Variants in CNOT1 observed in about 807,000 individuals in gnomAD.
The protein encoded by CNOT1 is CCR4-NOT transcription complex subunit 1.
In CNOT1, 15 loss-of-function variants were observed where a neutral mutation model predicts 273.8. The observed-to-expected ratio is 0.05, with a 90% CI of 0.04 to 0.08. The LOEUF is 0.08. CNOT1 is among the 10% of genes least tolerant of loss of function. CNOT1 has a pLI of 1.00. For missense variants in CNOT1, 1,644 were observed against 2,912.2 expected, an observed-to-expected ratio of 0.56 and a Z score of 10.02; for synonymous variants, 1,022 against 1,005.5, an observed-to-expected ratio of 1.02 and a Z score of -0.31.
At chr16:58,546,862 CA>C in intron 27 of CNOT1, 113 bp from the exon 28 acceptor site, 2 of 1,322,614 alleles carry the variant, frequency 1.5e-6, no homozygotes, top group South Asian at 2.6e-5. Context: ...AAATAAAAAA[CA>C]AAAAACAAGG....
rs751988532 is a variant in CNOT1, at chr16:58,586,700, A to G, written c.482T>C (p.Ile161Thr). Reference protein sequence around the residue: ...QKLPDLLRSYIDADVSGNQEG... With the variant: ...QKLPDLLRSYTDADVSGNQEG... ...TTGATTTCCACTGACGTCTGCGTCAATGTAAGAACGCAGAAGATCTGGAAG... is the reference window on the plus strand; with the variant it reads ...TTGATTTCCACTGACGTCTGCGTCAGTGTAAGAACGCAGAAGATCTGGAAG... The change falls in exon 7 of 49, where the codon ATT becomes ACT. Residue 161 changes from isoleucine (I) to threonine (T), a missense_variant. Ile to Thr is a moderately conservative substitution (Grantham distance 89, BLOSUM62 -1). Around this residue, in one of 13 missense-constraint regions of CNOT1, gnomAD observed 706 missense variants for 1,021.2 expected, o/e 0.69. Transcript: ENST00000317147. 41 of 1,613,240 alleles carry G rather than the reference A, an allele frequency of 2.5e-5. No homozygotes were observed. Among genetic ancestry groups the G allele is most frequent in the Non-Finnish European group, 3.3e-5 (39 of 1,179,928 alleles).
At position 58,527,326 on chromosome 16, in the gene CNOT1, AGCCTGGC is replaced by A. The variant is rs1158138949; in HGVS notation, c.6453+1142_6453+1148del. Among the ~76,000 whole-genome samples, 3 of 151,812 alleles carry A rather than the reference AGCCTGGC, an allele frequency of 2.0e-5. No individual in the cohort carries two copies. In the East Asian group the frequency reaches 5.8e-4, roughly 30 times the overall value. On this transcript the variant is annotated intron_variant, in intron 44 of 48. Coordinates refer to ENST00000317147, the MANE Select transcript of CNOT1 (RefSeq NM_016284.5). ...ATCGTGAGGTCAGGAGTTTGAGACCAGCCTGGCCAACTAGTGAAACCCCGTCACTACT... is the reference window on the plus strand; with the variant it reads ...ATCGTGAGGTCAGGAGTTTGAGACCACAACTAGTGAAACCCCGTCACTACT...
intron 2 of CNOT1, chr16:58,597,474 C>CA (rs35732148): frequency 3.2e-3 from 566 of 175,654 alleles, no homozygotes; most frequent in South Asian, 0.011. Context: ...AACTCTGTCT[C>CA]AAAAAAAAAA....
In CNOT1 at chr16:58,551,174, A is replaced by G; in HGVS notation, c.3300T>C (p.Ala1100=). 2 of 1,609,972 alleles carry G rather than the reference A, an allele frequency of 1.2e-6. No homozygotes were observed. The highest frequency in any genetic ancestry group is 1.7e-6 in the Non-Finnish European group (2 of 1,179,054). The change falls in exon 24 of 49, where the codon GCT becomes GCC. Residue 1100 remains alanine (A), a synonymous_variant. Transcript: ENST00000317147. ...EPPENIQEKI[A]FIFNNLSQSN... ...ACTGTGAGAGATTATTGAAAATAAA[A>G]GCAATTTTCTCCTGGATATTTTCTG...
chr16:58,606,083 A>G lies in CNOT1; in HGVS notation c.-174-6572T>C, dbSNP rs151156899. Among the ~76,000 whole-genome samples the G allele has an allele frequency of 4.0e-3, 603 of 152,238 alleles. 7 individuals are homozygous for G. The highest frequency in any genetic ancestry group is 0.012 in the East Asian group (61 of 5,192). Reference sequence around the variant, plus strand: ...AACTGTTACCTGAACAATGATATCAAAAAATTTACCAACAATATGGTTATG... The same window carrying G: ...AACTGTTACCTGAACAATGATATCAGAAAATTTACCAACAATATGGTTATG... On this transcript the variant is annotated intron_variant, in intron 1 of 48. Transcript: ENST00000317147.
At chr16:58,602,136 T>G (rs1337279768) in intron 1 of CNOT1, among the ~76,000 whole-genome samples, 1 of 152,020 alleles carries the variant, frequency 6.6e-6, no homozygotes, top group Non-Finnish European at 1.5e-5. Flanking sequence ...TGGCACAATC[T>G]TGGCTCACTG....
chr16:58,620,260 G>T (rs1019248782), intron 1 of CNOT1, among the ~76,000 whole-genome samples: 1 of 152,164 alleles, frequency 6.6e-6, no homozygotes, highest in African/African-American at 2.4e-5. Flanking sequence ...AATCAATTTT[G>T]CTTAAGGAAA....
At chr16:58,533,514 T>C (rs370277544) in intron 40 of CNOT1, among the ~76,000 whole-genome samples, 11 of 152,340 alleles carry the variant, frequency 7.2e-5, no homozygotes, top group African/African-American at 2.4e-4. Flanking sequence ...CGGGTGCCTG[T>C]AGTCCCAGCT....
intron 1 of CNOT1, among the ~76,000 whole-genome samples, chr16:58,627,906 C>A (rs1018446519): frequency 6.6e-6 from 1 of 152,202 alleles, no homozygotes; most frequent in Non-Finnish European, 1.5e-5. Flanking sequence ...CGGCTCACTG[C>A]AACCTCCGCC....
intron 44 of CNOT1, among the ~76,000 whole-genome samples, chr16:58,526,393 C>T (rs762907996): frequency 7.3e-5 from 11 of 149,798 alleles, no homozygotes; most frequent in Non-Finnish European, 1.5e-4. Context: ...CTAATTTGCA[C>T]AACTAACTGA....
intron 16 of CNOT1, among the ~76,000 whole-genome samples, chr16:58,571,614 T>C (rs969584296): frequency 6.6e-6 from 1 of 151,632 alleles, no homozygotes; most frequent in African/African-American, 2.4e-5. Flanking sequence ...TAAAAACACA[T>C]GTACTTAAAA....
At position 58,596,787 on chromosome 16, in the gene CNOT1, C is replaced by T. The variant is rs1463871078; in HGVS notation, c.102+2449G>A. Among the ~76,000 whole-genome samples the T allele has an allele frequency of 2.8e-5, 4 of 143,546 alleles. No homozygotes were observed. In the Admixed American group the frequency reaches 3.0e-4, roughly 11 times the overall value. 94.2% of individuals were successfully genotyped at this position (143,546 alleles called of 152,430 possible). The stretch of plus-strand genomic sequence containing the variant: ...ACTGTAGTCCCAGCTACTCGGGAGG[C>T]TGAGGCAGGAGAATGGCGTGAACCT... On this transcript the variant is annotated intron_variant, in intron 2 of 48. Coordinates refer to ENST00000317147, the MANE Select transcript of CNOT1 (RefSeq NM_016284.5).
chr16:58,523,244 CA>C, intron 47 of CNOT1, 125 bp downstream of exon 47: 6 of 1,066,496 alleles, frequency 5.6e-6, no homozygotes, highest in East Asian at 2.6e-5. Context: ...CACTCCGTCT[CA>C]AAAAAACAAA....
chr16:58,617,104 T>C (rs59096516), intron 1 of CNOT1, among the ~76,000 whole-genome samples: 34,892 of 152,192 alleles, frequency 0.23, 4,376 homozygotes, highest in African/African-American at 0.33. Context: ...CTCACGGCTG[T>C]AATGCCAGCA....
In CNOT1 at chr16:58,547,740, C is replaced by G. The variant is rs1327996800; in HGVS notation, c.3523-58G>C. 3.3e-6 allele frequency: 5 copies of G among 1,521,552 alleles called. No homozygotes were observed. In the Admixed American group the frequency reaches 5.9e-5, roughly 18 times the overall value. The allele number at this position is 1,521,552 out of a possible 1,614,324, so 94.3% of individuals were successfully genotyped here. On this transcript the variant is annotated intron_variant, in intron 25 of 48. Transcript: ENST00000317147. The surrounding 1 kb of genome is among the most constrained non-coding windows in gnomAD (Gnocchi z 4.0). ...AATAAGCTTATGAAAGAAAACTCAA[C>G]TAAGTATTTGAGAATTCCATTATCC...
chr16:58,572,146 G>A (rs2041295105), intron 16 of CNOT1, among the ~76,000 whole-genome samples: 1 of 151,704 alleles, frequency 6.6e-6, no homozygotes, highest in Non-Finnish European at 1.5e-5. Context: ...AGCTAGGCGT[G>A]GTGGCGCATG....
In CNOT1 at chr16:58,588,792, C is replaced by T. The variant is rs2041959212; in HGVS notation, c.210+7G>A. On this transcript the variant is annotated splice_region_variant and intron_variant, in intron 3 of 48. Coordinates refer to ENST00000317147, the MANE Select transcript of CNOT1 (RefSeq NM_016284.5). The stretch of plus-strand genomic sequence containing the variant: ...AAGTGGACATGAACTCTGTAAGCCC[C>T]AAATACCTGATGGAAATCTTTGCCA... 1 of 1,612,900 alleles carries T rather than the reference C, an allele frequency of 6.2e-7. No homozygotes were observed. The highest frequency in any genetic ancestry group is 8.5e-7 in the Non-Finnish European group (1 of 1,179,574).
At chr16:58,558,026 T>G (rs1200927367) in intron 18 of CNOT1, among the ~76,000 whole-genome samples, 4 of 152,044 alleles carry the variant, frequency 2.6e-5, no homozygotes, top group African/African-American at 9.7e-5. Flanking sequence ...AAAAAAAACC[T>G]TAAAATGTTT....
intron 2 of CNOT1, among the ~76,000 whole-genome samples, chr16:58,596,775 C>A (rs905990644): frequency 6.6e-6 from 1 of 150,934 alleles, no homozygotes; most frequent in Non-Finnish European, 1.5e-5. Flanking sequence ...GTAGTCCCAG[C>A]TACTCGGGAG....
Sources: allele counts gnomAD v4.1 joint callset (sites outside exome capture counted in the v4.1 genomes callset), GRCh38; gene constraint gnomAD v4.1.1; regional missense constraint gnomAD v4.1.1; non-coding constraint Gnocchi (gnomAD v3.1); transcripts MANE v1.5; gene names NCBI Gene and HGNC (gene_info 2026-07-23, HGNC 2026-07-21).